Variants in NALCN observed in about 807,000 individuals in gnomAD.
NALCN encodes the protein sodium leak channel, non-selective.
A neutral mutation model predicts 225.3 loss-of-function variants in NALCN; 111 were observed. The observed-to-expected ratio is 0.49, with a 90% CI of 0.42 to 0.58. The LOEUF is 0.58. NALCN is among the 20% of genes least tolerant of loss of function. The pLI is 0.00. For synonymous variants in NALCN, 764 were observed against 769.0 expected, an observed-to-expected ratio of 0.99 and a Z score of 0.11; for missense variants, 1,378 against 2,202.4, an observed-to-expected ratio of 0.63 and a Z score of 7.49.
chr13:101,124,553 C>G (rs116117466), intron 18 of NALCN, 55 bp downstream of exon 18: 4 of 1,456,330 alleles, frequency 2.7e-6, no homozygotes, highest in Non-Finnish European at 3.8e-6. Context: ...AGCTATTTTT[C>G]GATTAATATA....
intron 15 of NALCN, among the ~76,000 whole-genome samples, chr13:101,148,534 G>A (rs561247926): frequency 1.3e-5 from 2 of 152,276 alleles, no homozygotes; most frequent in East Asian, 3.9e-4. Context: ...AAAAATTTTG[G>A]GGGAATGCCT....
chr13:101,248,505 A>G (rs1479592492), intron 11 of NALCN, among the ~76,000 whole-genome samples: 2 of 152,168 alleles, frequency 1.3e-5, no homozygotes, highest in African/African-American at 4.8e-5. Flanking sequence ...CAATGAGATC[A>G]TTCATGAGCA....
At chr13:101,302,295 T>C (rs1381077281) in intron 7 of NALCN, among the ~76,000 whole-genome samples, 1 of 152,188 alleles carries the variant, frequency 6.6e-6, no homozygotes, top group East Asian at 1.9e-4. Flanking sequence ...TCAGAAGAGC[T>C]ACAAGAGCAA....
rs961085197 is a variant in NALCN, at chr13:101,320,887, G to A, written c.799+24379C>T. Among the ~76,000 whole-genome samples, 7 of 151,866 alleles carry A rather than the reference G, an allele frequency of 4.6e-5. No homozygotes were observed. The South Asian group carries it at 1.2e-3, about 27-fold the overall frequency. On this transcript the variant is annotated intron_variant, in intron 7 of 43. Coordinates refer to ENST00000251127, the MANE Select transcript of NALCN (RefSeq NM_052867.4). Reference sequence around the variant, plus strand: ...CACCCTATTAATACAATATCTTGTCGCATATCTTTTTCCATTGTAATAATA... The same window carrying A: ...CACCCTATTAATACAATATCTTGTCACATATCTTTTTCCATTGTAATAATA...
chr13:101,270,496 A>C (rs550707534), intron 10 of NALCN, among the ~76,000 whole-genome samples: 1 of 152,344 alleles, frequency 6.6e-6, no homozygotes, highest in East Asian at 1.9e-4. Context: ...TTTCTAATAC[A>C]CTGCATTTCT....
At chr13:101,206,727 AATAT>A (rs3062610) in intron 13 of NALCN, among the ~76,000 whole-genome samples, 44 of 147,112 alleles carry the variant, frequency 3.0e-4, no homozygotes, top group African/African-American at 9.8e-4. Flanking sequence ...AGGTTTTTTA[AATAT>A]ATATATATAT....
At chr13:101,198,295 T>C (rs1210005796) in intron 13 of NALCN, among the ~76,000 whole-genome samples, 1 of 152,088 alleles carries the variant, frequency 6.6e-6, no homozygotes, top group Non-Finnish European at 1.5e-5. Flanking sequence ...ACAAATGGGA[T>C]CTAATTAAAC....
intron 40 of NALCN, among the ~76,000 whole-genome samples, chr13:101,063,843 A>G (rs2032155216): frequency 6.6e-6 from 1 of 152,196 alleles, no homozygotes; most frequent in Admixed American, 6.5e-5. Context: ...TGTGATTAAA[A>G]TAGCTACTGC....
intron 18 of NALCN, among the ~76,000 whole-genome samples, chr13:101,121,991 CT>C (rs2036001812): frequency 6.7e-6 from 1 of 149,442 alleles, no homozygotes; most frequent in Non-Finnish European, 1.5e-5. Context: ...TTTTCTCCCT[CT>C]TTTTTTCCTT....
Position 101,374,306 on chromosome 13 carries a change from T to C in NALCN, c.644+2394A>G, listed in dbSNP as rs1006290963. Among the ~76,000 whole-genome samples, 89 of 148,782 alleles carry C rather than the reference T, an allele frequency of 6.0e-4. 1 individual carries two copies. Among genetic ancestry groups the C allele is most frequent in the Admixed American group, 2.3e-3 (35 of 14,898 alleles). ...TTTTTTTTTTTTTGAGACGGAGTCT[T>C]GCTCTGTGGTCCAGGCTGGAGTGCA... On this transcript the variant is annotated intron_variant, in intron 6 of 43. Coordinates refer to ENST00000251127, the MANE Select transcript of NALCN (RefSeq NM_052867.4).
At position 101,376,977 on chromosome 13, in the gene NALCN, C is replaced by A; in HGVS notation, c.455G>T (p.Arg152Leu). 1 of 1,614,154 alleles carries A rather than the reference C, an allele frequency of 6.2e-7. No homozygotes were observed. Among genetic ancestry groups the A allele is most frequent in the African/African-American group, 1.3e-5 (1 of 75,040 alleles). ...LRIPRPLIMI[R>L]AFRIYFRFEL... ...AAATCGGAAATAAATCCGGAATGCT[C>A]GGATCATAATCAGTGGCCGTGGAAT... is the stretch of plus-strand genomic sequence containing the variant. The change falls in exon 5 of 44, where the codon CGA (arginine) becomes CTA (leucine). Residue 152 changes from arginine to leucine, a missense_variant. This residue lies in a region of NALCN where 146 missense variants were observed against 205.9 expected (regional missense o/e 0.71). Transcript: ENST00000251127.
rs2139613950 is a variant in NALCN at position 101,104,206 on chromosome 13, A to G, written c.2889+89T>C. ...TCGGTTAGGGAATCTAAGCCTCTGT[A>G]ACTCATACCTCTTGCGCTTATACCA... On this transcript the variant is annotated intron_variant, in intron 25 of 43. Transcript: ENST00000251127. The surrounding 1 kb of genome is among the most constrained non-coding windows in gnomAD (Gnocchi z 4.2). 1 of 1,449,236 alleles carries G rather than the reference A, an allele frequency of 6.9e-7. No individual in the cohort carries two copies. The highest frequency in any genetic ancestry group is 9.3e-7 in the Non-Finnish European group (1 of 1,077,676). The allele number at this position is 1,449,236 out of a possible 1,614,324, so 89.8% of individuals were successfully genotyped here. A position where few individuals can be genotyped will look rare whatever the true frequency, so the allele number is the denominator to read the frequency against.
At chr13:101,163,196 C>A (rs954417864) in intron 15 of NALCN, among the ~76,000 whole-genome samples, 2 of 150,666 alleles carry the variant, frequency 1.3e-5, no homozygotes, top group African/African-American at 2.4e-5. Flanking sequence ...AGTCACCATG[C>A]CTGGCCTATA....
At chr13:101,398,601 A>T (rs1424607496) in intron 2 of NALCN, among the ~76,000 whole-genome samples, 1 of 152,176 alleles carries the variant, frequency 6.6e-6, no homozygotes, top group Non-Finnish European at 1.5e-5. Context: ...CCTTTTACTC[A>T]AATTTTGCAA....
chr13:101,090,372 G>T (rs2034167358), intron 28 of NALCN, among the ~76,000 whole-genome samples: 1 of 152,152 alleles, frequency 6.6e-6, no homozygotes, highest in African/African-American at 2.4e-5. Flanking sequence ...TTTGGATGTG[G>T]ATTTTGAAAT....
At chr13:101,159,191 T>C (rs1472019693) in intron 15 of NALCN, among the ~76,000 whole-genome samples, 1 of 152,254 alleles carries the variant, frequency 6.6e-6, no homozygotes, top group Non-Finnish European at 1.5e-5. Context: ...TTTTATTCTT[T>C]CATTTGATCC....
chr13:101,169,346 TTTTA>T (rs139755523), intron 15 of NALCN, among the ~76,000 whole-genome samples: 33,368 of 151,994 alleles, frequency 0.22, 4,541 homozygotes, highest in Non-Finnish European at 0.31. Flanking sequence ...TTAAAAATAT[TTTTA>T]TTTATTTTTA....
chr13:101,345,761 T>C (rs1007120935), intron 6 of NALCN, among the ~76,000 whole-genome samples: 1 of 130,210 alleles, frequency 7.7e-6, no homozygotes, highest in African/African-American at 3.3e-5. Context: ...TATATATATA[T>C]ATATATATAT....
chr13:101,249,504 T>C (rs17583059), intron 11 of NALCN, among the ~76,000 whole-genome samples: 13,518 of 152,270 alleles, frequency 0.089, 652 homozygotes, highest in Admixed American at 0.11. Context: ...ACTATCCTTA[T>C]GATTGAAAAT....
Sources: allele counts gnomAD v4.1 joint callset (sites outside exome capture counted in the v4.1 genomes callset), GRCh38; gene constraint gnomAD v4.1.1; regional missense constraint gnomAD v4.1.1; non-coding constraint Gnocchi (gnomAD v3.1); transcripts MANE v1.5; gene names NCBI Gene and HGNC (gene_info 2026-07-23, HGNC 2026-07-21).